PACS2: variants seen among roughly 807,000 people sequenced by gnomAD.
The protein encoded by PACS2 is PACS1-like protein.
PACS2 carries 36 observed loss-of-function variants against 113.0 expected under a neutral mutation model. The observed-to-expected ratio is 0.32, with a 90% CI of 0.24 to 0.42. The LOEUF (loss-of-function observed/expected upper bound fraction) is 0.42. Ranked by LOEUF, PACS2 falls within the 10% of genes least tolerant of loss-of-function variation. The pLI is 1.00. For synonymous variants in PACS2, 589 were observed against 536.1 expected, an observed-to-expected ratio of 1.10 and a Z score of -1.36; for missense variants, 1,015 against 1,239.5, an observed-to-expected ratio of 0.82 and a Z score of 2.72.
chr14:105,389,673 G>C (rs1208918971), intron 19 of PACS2: 7 of 481,602 alleles, frequency 1.5e-5, no homozygotes, highest in African/African-American at 1.4e-4. Context: ...GTGGAGCTGT[G>C]CCCTCTGGCC....
intron 1 of PACS2, among the ~76,000 whole-genome samples, chr14:105,306,087 G>A (rs913915716): frequency 1.3e-5 from 2 of 152,192 alleles, no homozygotes; most frequent in African/African-American, 4.8e-5. Flanking sequence ...AAGTAATGTA[G>A]GTGTTGCACT....
At chr14:105,383,725 T>C in intron 16 of PACS2, 1 of 548,310 alleles carries the variant, frequency 1.8e-6, no homozygotes, top group Non-Finnish European at 3.2e-6. Context: ...CTTTGTTAAT[T>C]TTAATTATAT....
Position 105,356,157 on chromosome 14 carries a change from G to A in PACS2, c.423+980G>A, listed in dbSNP as rs769539105. ...CAGTGGGGGTGCCCACTTGTAGCTGGTTCCCCCACACCCCCAGGCCCAGCC... is the reference window on the plus strand; with the variant it reads ...CAGTGGGGGTGCCCACTTGTAGCTGATTCCCCCACACCCCCAGGCCCAGCC... On this transcript the variant is annotated intron_variant, in intron 4 of 24. Transcript: ENST00000447393. The surrounding 1 kb of genome is among the most constrained non-coding windows in gnomAD (Gnocchi z 4.0). Among the ~76,000 whole-genome samples the A allele has an allele frequency of 8.4e-4, 128 of 152,186 alleles. No homozygotes were observed. The Middle Eastern group carries it at 0.01, about 12-fold the overall frequency.
chr14:105,311,635 G>C (rs2058350892), upstream of PACS2, among the ~76,000 whole-genome samples: 1 of 152,166 alleles, frequency 6.6e-6, no homozygotes, highest in South Asian at 2.1e-4. Context: ...ACCTAACCCT[G>C]TTCTACTCTA....
chr14:105,315,150 C>A lies in PACS2; in HGVS notation c.119+113C>A. 1 of 563,144 alleles carries A rather than the reference C, an allele frequency of 1.8e-6. No homozygotes were observed. Among genetic ancestry groups the A allele is most frequent in the Non-Finnish European group, 2.3e-6 (1 of 435,748 alleles). 34.9% of individuals were successfully genotyped at this position (563,144 alleles called of 1,614,324 possible). The stretch of plus-strand genomic sequence containing the variant: ...GGGTCCCCCAGCGGAGCCCAGGTCG[C>A]CCCCCGCGCCCCCGCCCGCCGGTTC... On this transcript the variant is annotated intron_variant, in intron 1 of 24. Transcript: ENST00000447393. This position sits in a 1 kb window ranked among gnomAD's most constrained non-coding sequence, Gnocchi z 4.4.
At chr14:105,339,672 G>C (rs2059653310) in intron 1 of PACS2, among the ~76,000 whole-genome samples, 1 of 150,652 alleles carries the variant, frequency 6.6e-6, no homozygotes, top group Non-Finnish European at 1.5e-5. Context: ...CTCTAGCCTA[G>C]GTGACAGAGC....
chr14:105,373,904 G>A (rs587714702), intron 8 of PACS2, among the ~76,000 whole-genome samples: 2 of 152,196 alleles, frequency 1.3e-5, no homozygotes, highest in African/African-American at 2.4e-5. Flanking sequence ...ATTAGTGGCC[G>A]AGGCTTGAGG....
intron 1 of PACS2, among the ~76,000 whole-genome samples, chr14:105,328,225 C>A (rs1421255071): frequency 6.6e-6 from 1 of 152,234 alleles, no homozygotes; most frequent in Non-Finnish European, 1.5e-5. Context: ...TGCCACACCC[C>A]CTGCCCCAAC....
At chr14:105,337,818 C>T (rs1166271531) in intron 1 of PACS2, among the ~76,000 whole-genome samples, 2 of 152,204 alleles carry the variant, frequency 1.3e-5, no homozygotes, top group Non-Finnish European at 2.9e-5. Context: ...GGTGCAGAGT[C>T]CTAGCTCAGG....
chr14:105,307,215 A>G (rs920106101), intron 1 of PACS2, among the ~76,000 whole-genome samples: 1 of 151,722 alleles, frequency 6.6e-6, no homozygotes, highest in Admixed American at 6.6e-5. Flanking sequence ...GGCTGAGCAT[A>G]CCTTTGATAT....
In PACS2 at chr14:105,352,416, G is replaced by GC. The variant is rs782816086; in HGVS notation, c.252dup (p.Ser85GlnfsTer57). The GC allele has an allele frequency of 6.2e-7, 1 of 1,612,900 alleles. No homozygotes were observed. Among genetic ancestry groups the GC allele is most frequent in the Non-Finnish European group, 8.5e-7 (1 of 1,179,076 alleles). On this transcript the variant is annotated frameshift_variant, in exon 3 of 25. Transcript: ENST00000447393. LOFTEE classifies it high-confidence loss of function. ...TCCTGCGGTCCCATGAGATTGTGCT[G>GC]CCCCCCAGTGGACAAGTGGAGACAG... is the stretch of plus-strand genomic sequence containing the variant.
chr14:105,314,079 A>G (rs1305983231), upstream of PACS2, among the ~76,000 whole-genome samples: 1 of 152,250 alleles, frequency 6.6e-6, no homozygotes, highest in Non-Finnish European at 1.5e-5. Context: ...CTGGAGGCTA[A>G]GCTCGGCAGC....
chr14:105,367,687 ATGGG>A (rs2060986165), intron 5 of PACS2, among the ~76,000 whole-genome samples: 1 of 152,234 alleles, frequency 6.6e-6, no homozygotes, highest in South Asian at 2.1e-4. Flanking sequence ...AGGGCCCGCC[ATGGG>A]CAGGTGCCAC....
rs2059675905 is a variant in PACS2, at chr14:105,340,320, A to G, written c.120-8173A>G. 1.3e-5 allele frequency among the ~76,000 whole-genome samples: 2 copies of G among 152,162 alleles called. No homozygotes were observed. Among genetic ancestry groups the G allele is most frequent in the Non-Finnish European group, 2.9e-5 (2 of 68,022 alleles). The stretch of plus-strand genomic sequence containing the variant: ...ATAAAATGCAATCACAACACACACA[A>G]CTCCAAATGGATGGATAATCTCATT... On this transcript the variant is annotated intron_variant, in intron 1 of 24. Transcript: ENST00000447393. This position sits in a 1 kb window ranked among gnomAD's most constrained non-coding sequence, Gnocchi z 4.2.
At chr14:105,316,597 G>GT (rs1194404639) in intron 1 of PACS2, among the ~76,000 whole-genome samples, 1 of 152,252 alleles carries the variant, frequency 6.6e-6, no homozygotes, top group Non-Finnish European at 1.5e-5. Flanking sequence ...CCCAAGGGAG[G>GT]TGGGGGCGTG....
rs587643872 is a variant in PACS2, at chr14:105,305,992, G to A, written c.-83+5013G>A. On this transcript the variant is annotated intron_variant, in intron 1 of 23. Coordinates refer to the PACS2 transcript ENST00000430725. ...AGGCTGTGGGCTTGCCCCTAGACCTGACTCCAGCACACAGCAGCAGAGCGG... is the reference window on the plus strand; with the variant it reads ...AGGCTGTGGGCTTGCCCCTAGACCTAACTCCAGCACACAGCAGCAGAGCGG... 2.6e-5 allele frequency among the ~76,000 whole-genome samples: 4 copies of A among 152,380 alleles called. No homozygotes were observed. The East Asian group carries it at 7.7e-4, about 29-fold the overall frequency.
chr14:105,376,935 A>C lies in PACS2; in HGVS notation c.959+10A>C. On this transcript the variant is annotated intron_variant, in intron 9 of 24. Transcript: ENST00000447393. This position sits in a 1 kb window ranked among gnomAD's most constrained non-coding sequence, Gnocchi z 4.7. Reference sequence around the variant, plus strand: ...CCAAGCCGAAGCTGCGGTGAGCCCTACAGGGCGGGGCGGGGAGGAACAGCC... The same window carrying C: ...CCAAGCCGAAGCTGCGGTGAGCCCTCCAGGGCGGGGCGGGGAGGAACAGCC... 1 of 1,596,806 alleles carries C rather than the reference A, an allele frequency of 6.3e-7. No homozygotes were observed. Among genetic ancestry groups the C allele is most frequent in the Non-Finnish European group, 8.5e-7 (1 of 1,170,732 alleles).
intron 20 of PACS2, 38 bp from the exon 21 acceptor site, chr14:105,391,169 T>C (rs1555414720): frequency 6.4e-7 from 1 of 1,572,782 alleles, no homozygotes; most frequent in East Asian, 2.2e-5. Flanking sequence ...CTAGCTGAAT[T>C]GCACGGCTTT....
rs966328865 is a variant in PACS2 at position 105,354,293 on chromosome 14, G to A, written c.298-759G>A. ...AATTTTTGTATTTTTGTAGAGATGGGGTTTTGCCATGTTGGCTAGGGTGGT... is the reference window on the plus strand; with the variant it reads ...AATTTTTGTATTTTTGTAGAGATGGAGTTTTGCCATGTTGGCTAGGGTGGT... On this transcript the variant is annotated intron_variant, in intron 3 of 24. Transcript: ENST00000447393. The surrounding 1 kb of genome is among the most constrained non-coding windows in gnomAD (Gnocchi z 4.2). Among the ~76,000 whole-genome samples the A allele has an allele frequency of 3.3e-4, 50 of 152,222 alleles. No homozygotes were observed. Among genetic ancestry groups the A allele is most frequent in the African/African-American group, 1.2e-3 (48 of 41,538 alleles).
Sources: allele counts gnomAD v4.1 joint callset (sites outside exome capture counted in the v4.1 genomes callset), GRCh38; gene constraint gnomAD v4.1.1; non-coding constraint Gnocchi (gnomAD v3.1); transcripts MANE v1.5; gene names NCBI Gene and HGNC (gene_info 2026-07-23, HGNC 2026-07-21).